CRACDL: variants seen among roughly 807,000 people sequenced by gnomAD.
CRACDL encodes the protein CRACD like.
A neutral mutation model predicts 70.6 loss-of-function variants in CRACDL; 26 were observed. The observed-to-expected ratio is 0.37, with a 90% CI of 0.27 to 0.51. The LOEUF (loss-of-function observed/expected upper bound fraction) is 0.51, where lower values mean the gene tolerates loss of function less well. CRACDL is among the 20% of genes least tolerant of loss of function. The probability of loss-of-function intolerance (pLI) is 0.94; values close to 1 mark genes in which losing one functional copy is unlikely to be tolerated. For synonymous variants in CRACDL, 618 were observed against 615.2 expected, an observed-to-expected ratio of 1.00 and a Z score of -0.07; for missense variants, 1,283 against 1,376.9, an observed-to-expected ratio of 0.93 and a Z score of 1.08.
At chr2:98,805,883 G>A in intron 7 of CRACDL, among the ~76,000 whole-genome samples, 1 of 152,212 alleles carries the variant, frequency 6.6e-6, no homozygotes. Flanking sequence ...CTCCCGCTGG[G>A]CCACATATCT....
Position 98,821,975 on chromosome 2 carries a change from C to T in CRACDL, c.2298G>A (p.Pro766=), listed in dbSNP as rs1322204689. ...LSSKPPLPRK[P]LLQSFTLPHQ... The stretch of plus-strand genomic sequence containing the variant: ...GCGGGAGCGTGAAGCTCTGCAGAAG[C>T]GGCTTCCGGGGCAGGGGCGGCTTGG... The change falls in exon 7 of 10, where the codon CCG becomes CCA. Residue 766 remains proline (P), a synonymous_variant. Coordinates refer to ENST00000397899, the MANE Select transcript of CRACDL (RefSeq NM_207362.3). 2.0e-5 allele frequency: 31 copies of T among 1,532,196 alleles called. No homozygotes were observed. In the East Asian group the frequency reaches 7.7e-4, roughly 38 times the overall value. 94.9% of individuals were successfully genotyped at this position (1,532,196 alleles called of 1,614,324 possible).
chr2:98,821,607 A>G (rs1016934906), intron 7 of CRACDL, among the ~76,000 whole-genome samples: 6 of 152,212 alleles, frequency 3.9e-5, no homozygotes, highest in Non-Finnish European at 7.3e-5. Context: ...AAAATTCGCA[A>G]AAAGTCTCAA....
At chr2:98,866,782 C>T (rs1386337874) in intron 1 of CRACDL, among the ~76,000 whole-genome samples, 4 of 151,936 alleles carry the variant, frequency 2.6e-5, no homozygotes, top group South Asian at 2.1e-4. Flanking sequence ...TGTGAGCCAC[C>T]GTGACCAGCA....
chr2:98,803,991 C>G (rs1425147775), intron 7 of CRACDL, among the ~76,000 whole-genome samples: 1 of 152,176 alleles, frequency 6.6e-6, no homozygotes, highest in Non-Finnish European at 1.5e-5. Context: ...CCTAGATAAA[C>G]AGCTTGAGGG....
At chr2:98,842,185 G>C (rs1208930214) in intron 2 of CRACDL, among the ~76,000 whole-genome samples, 1 of 151,830 alleles carries the variant, frequency 6.6e-6, no homozygotes, top group African/African-American at 2.4e-5. Flanking sequence ...TATGCCCCTT[G>C]TTCCCTTTCC....
At chr2:98,931,083 G>A (rs945823914) in intron 1 of CRACDL, among the ~76,000 whole-genome samples, 6 of 152,206 alleles carry the variant, frequency 3.9e-5, no homozygotes, top group African/African-American at 7.2e-5. Flanking sequence ...CCAGCACTTC[G>A]GGAGGCCATG....
intron 7 of CRACDL, 137 bp from the exon 8 acceptor site, chr2:98,797,674 G>A (rs1703886963): frequency 1.4e-6 from 1 of 734,924 alleles, no homozygotes; most frequent in Non-Finnish European, 2.2e-6. Flanking sequence ...CTTTCTTTAG[G>A]GGCTTTGTTT....
chr2:98,899,507 T>A (rs796915670), intron 1 of CRACDL, among the ~76,000 whole-genome samples: 1 of 152,100 alleles, frequency 6.6e-6, no homozygotes, highest in Non-Finnish European at 1.5e-5. Context: ...GGGACTGCAG[T>A]TGAGCCTGAA....
chr2:98,920,193 T>G (rs1321278090), intron 1 of CRACDL, among the ~76,000 whole-genome samples: 2 of 152,224 alleles, frequency 1.3e-5, no homozygotes, highest in African/African-American at 4.8e-5. Context: ...TGGAACACGC[T>G]GAACATCTCT....
intron 2 of CRACDL, among the ~76,000 whole-genome samples, chr2:98,841,338 GT>G (rs1174756839): frequency 1.3e-5 from 2 of 151,982 alleles, no homozygotes; most frequent in Non-Finnish European, 2.9e-5. Flanking sequence ...CATCTTATGT[GT>G]TTTTTAATTG....
intron 7 of CRACDL, among the ~76,000 whole-genome samples, chr2:98,800,382 T>A (rs577379590): frequency 1.7e-4 from 26 of 151,422 alleles, no homozygotes; most frequent in South Asian, 8.4e-4. Flanking sequence ...CAAGGAAGGG[T>A]CTTTTCTGTC....
In CRACDL at chr2:98,868,599, G is replaced by C. The variant is rs573653276; in HGVS notation, c.-10-21789C>G. 2.6e-5 allele frequency among the ~76,000 whole-genome samples: 4 copies of C among 152,306 alleles called. No individual in the cohort carries two copies. In the South Asian group the frequency reaches 6.2e-4, roughly 24 times the overall value. On this transcript the variant is annotated intron_variant, in intron 1 of 9. Transcript: ENST00000397899. ...TGGCTTTGGCTGTGCAGGAGCTCAG[G>C]CAGAGCGTCTCCCAAGGCTGTGGCT...
chr2:98,909,591 C>T (rs1458868922), intron 1 of CRACDL, among the ~76,000 whole-genome samples: 2 of 152,200 alleles, frequency 1.3e-5, no homozygotes, highest in East Asian at 3.8e-4. Context: ...ACTGGCCAGG[C>T]AAATGGCATT....
chr2:98,809,045 C>T (rs946890629), intron 7 of CRACDL, among the ~76,000 whole-genome samples: 5 of 152,232 alleles, frequency 3.3e-5, no homozygotes, highest in African/African-American at 1.2e-4. Context: ...AGCACCTTCT[C>T]AGTCCTTCTC....
At chr2:98,917,328 G>C (rs1022480064) in intron 1 of CRACDL, among the ~76,000 whole-genome samples, 1 of 152,108 alleles carries the variant, frequency 6.6e-6, no homozygotes, top group Non-Finnish European at 1.5e-5. Context: ...TGTTTCCTTG[G>C]GATAAATTCC....
chr2:98,807,294 C>T (rs969747841), intron 7 of CRACDL, among the ~76,000 whole-genome samples: 2 of 152,218 alleles, frequency 1.3e-5, no homozygotes, highest in Non-Finnish European at 2.9e-5. Flanking sequence ...AAACCACTTC[C>T]TCCCCATTTT....
chr2:98,803,295 C>A (rs1326540849), intron 7 of CRACDL, among the ~76,000 whole-genome samples: 1 of 152,064 alleles, frequency 6.6e-6, no homozygotes, highest in Non-Finnish European at 1.5e-5. Flanking sequence ...CCACTGTGCC[C>A]GGCCATGACT....
intron 9 of CRACDL, among the ~76,000 whole-genome samples, chr2:98,795,869 A>G (rs1289836521): frequency 1.3e-5 from 2 of 152,194 alleles, no homozygotes; most frequent in Non-Finnish European, 2.9e-5. Context: ...GTTTGGTTGG[A>G]AAAAAGTCAG....
intron 1 of CRACDL, among the ~76,000 whole-genome samples, chr2:98,885,242 C>T (rs776688684): frequency 8.5e-5 from 13 of 152,240 alleles, no homozygotes; most frequent in South Asian, 2.1e-4. Context: ...GTGTGTGAGA[C>T]GTAAGGCTTG....
Sources: gnomAD v4.1 joint callset for allele counts (sites outside exome capture counted in the v4.1 genomes callset) on GRCh38, gnomAD v4.1.1 for gene constraint, MANE v1.5 for transcripts, NCBI Gene and HGNC (gene_info 2026-07-23, HGNC 2026-07-21) for gene names.